The following CEP128 variants were observed in gnomAD, a reference collection of about 807,000 sequenced individuals.
The protein encoded by CEP128 is centrosomal protein 128.
A neutral mutation model predicts 156.7 loss-of-function variants in CEP128; 132 were observed. The observed-to-expected ratio is 0.84, with a 90% CI of 0.73 to 0.97. The LOEUF is 0.97. Among genes scored for constraint, CEP128 ranks in the 50% least tolerant of loss-of-function variants. CEP128 has a pLI of 0.00. For missense variants in CEP128, 1,252 were observed against 1,281.9 expected, an observed-to-expected ratio of 0.98 and a Z score of 0.36; for synonymous variants, 469 against 448.9, an observed-to-expected ratio of 1.04 and a Z score of -0.57.
intron 19 of CEP128, among the ~76,000 whole-genome samples, chr14:80,728,786 T>A (rs1399042927): frequency 6.6e-6 from 1 of 152,222 alleles, no homozygotes; most frequent in African/African-American, 2.4e-5. Context: ...CAGTAATAAC[T>A]ATGTATGCAG....
At position 80,662,553 on chromosome 14, in the gene CEP128, A is replaced by G. The variant is rs535969365; in HGVS notation, c.2806+80522T>C. On this transcript the variant is annotated intron_variant, in intron 19 of 24. Transcript: ENST00000555265. ...CCATGTATCCAGCCTTTAATTTGAC[A>G]GTGTGCAGTTAAATAGAGGATTTGC... is the stretch of plus-strand genomic sequence containing the variant. Among the ~76,000 whole-genome samples the G allele has an allele frequency of 3.3e-5, 5 of 152,266 alleles. No homozygotes were observed. The South Asian group carries it at 1.0e-3, about 32-fold the overall frequency.
intron 2 of CEP128, among the ~76,000 whole-genome samples, chr14:80,953,620 A>G (rs1886517767): frequency 6.6e-6 from 1 of 152,190 alleles, no homozygotes; most frequent in Non-Finnish European, 1.5e-5. Flanking sequence ...ATACATCATG[A>G]TCAAGTGAGA....
rs185319212 is a variant in CEP128 at position 80,877,884 on chromosome 14, G to A, written c.646-15011C>T. Reference sequence around the variant, plus strand: ...GACAAGACAATACCCACCCCCCACCGCAGGTACCTCAGGCCTCTGGCCTAC... The same window carrying A: ...GACAAGACAATACCCACCCCCCACCACAGGTACCTCAGGCCTCTGGCCTAC... On this transcript the variant is annotated intron_variant, in intron 8 of 24. Coordinates refer to ENST00000555265, the MANE Select transcript of CEP128 (RefSeq NM_152446.5). 1.9e-3 allele frequency among the ~76,000 whole-genome samples: 276 copies of A among 145,588 alleles called. 2 individuals are homozygous for A. The highest frequency in any genetic ancestry group is 6.9e-3 in the Middle Eastern group (2 of 288).
intron 4 of CEP128, 46 bp from the exon 5 acceptor site, chr14:80,906,127 A>G (rs1361145064): frequency 7.3e-7 from 1 of 1,375,684 alleles, no homozygotes; most frequent in Non-Finnish European, 9.7e-7. Flanking sequence ...TTCTTAAACA[A>G]CTTCCAAATA....
chr14:80,530,433 C>T lies in CEP128; in HGVS notation c.2958+376G>A, dbSNP rs181819076. ...AAAGATAACTTGGGAACTACCATAT[C>T]TCTAAAACAAACAGTACCCAAATAA... On this transcript the variant is annotated intron_variant, in intron 22 of 24. Coordinates refer to ENST00000555265, the MANE Select transcript of CEP128 (RefSeq NM_152446.5). Among the ~76,000 whole-genome samples the T allele has an allele frequency of 1.6e-4, 25 of 152,318 alleles. No homozygotes were observed. In the East Asian group the frequency reaches 4.6e-3, roughly 28 times the overall value.
At chr14:80,937,520 T>C (rs994468154) in intron 2 of CEP128, among the ~76,000 whole-genome samples, 1 of 151,892 alleles carries the variant, frequency 6.6e-6, no homozygotes, top group Non-Finnish European at 1.5e-5. Context: ...GGCAACAGAG[T>C]GAATGAATTT....
At chr14:80,541,917 T>C (rs1293529549) in intron 21 of CEP128, among the ~76,000 whole-genome samples, 1 of 152,232 alleles carries the variant, frequency 6.6e-6, no homozygotes, top group Non-Finnish European at 1.5e-5. Context: ...CTACTGGCTA[T>C]CTGTCTATAG....
At chr14:80,570,987 AT>A (rs1891117575) in intron 20 of CEP128, among the ~76,000 whole-genome samples, 1 of 152,198 alleles carries the variant, frequency 6.6e-6, no homozygotes, top group African/African-American at 2.4e-5. Context: ...GGGCTATTAT[AT>A]TGTTGCCATA....
chr14:80,662,732 C>A (rs1049947999), intron 19 of CEP128, among the ~76,000 whole-genome samples: 2 of 152,116 alleles, frequency 1.3e-5, no homozygotes, highest in African/African-American at 4.8e-5. Context: ...GGAAAAATAA[C>A]ACATTAGACA....
At chr14:80,600,216 A>C (rs1386946522) in intron 19 of CEP128, among the ~76,000 whole-genome samples, 1 of 152,228 alleles carries the variant, frequency 6.6e-6, no homozygotes, top group African/African-American at 2.4e-5. Context: ...ATAATTCCCA[A>C]AGGAATTATT....
chr14:80,491,274 T>TGGTCAAA (rs1312850174), intron 6 of CEP128, among the ~76,000 whole-genome samples: 1 of 152,220 alleles, frequency 6.6e-6, no homozygotes, highest in African/African-American at 2.4e-5. Flanking sequence ...GCTGTGGTCT[T>TGGTCAAA]GGTCAAAGCA....
At chr14:80,687,325 A>C (rs1390265004) in intron 19 of CEP128, among the ~76,000 whole-genome samples, 1 of 152,162 alleles carries the variant, frequency 6.6e-6, no homozygotes, top group Non-Finnish European at 1.5e-5. Flanking sequence ...CATTGAATCA[A>C]CCTAGGAGCC....
intron 19 of CEP128, among the ~76,000 whole-genome samples, chr14:80,641,101 TC>T (rs1388281875): frequency 6.6e-6 from 1 of 152,306 alleles, no homozygotes; most frequent in East Asian, 1.9e-4. Flanking sequence ...GTAGACCCTC[TC>T]CGAGGACCTT....
chr14:80,786,972 A>G (rs1308884714), intron 14 of CEP128, among the ~76,000 whole-genome samples: 2 of 152,230 alleles, frequency 1.3e-5, no homozygotes, highest in African/African-American at 4.8e-5. Flanking sequence ...ACTGAGGAGA[A>G]GGAACTCTGG....
chr14:80,880,865 AAATAATAAT>A (rs375304920), intron 8 of CEP128, among the ~76,000 whole-genome samples: 1,404 of 124,926 alleles, frequency 0.011, 24 homozygotes, highest in African/African-American at 0.033. Flanking sequence ...TCCATCTCAA[AAATAATAAT>A]AATAATAATA....
At chr14:80,840,601 G>C in intron 10 of CEP128, 81 bp downstream of exon 10, 2 of 832,942 alleles carry the variant, frequency 2.4e-6, no homozygotes, top group Non-Finnish European at 4.1e-6. Context: ...AAGGATCCTG[G>C]GGACACTTTT....
At position 80,582,452 on chromosome 14, in the gene CEP128, G is replaced by A. The variant is rs183252752; in HGVS notation, c.2807-2029C>T. On this transcript the variant is annotated intron_variant, in intron 19 of 24. Transcript: ENST00000555265. ...CAACTAGAGCAGGTCTGGATGGGAC[G>A]AGATATAGGTAGCATGAGCTAATAA... Among the ~76,000 whole-genome samples, 241 of 152,228 alleles carry A rather than the reference G, an allele frequency of 1.6e-3. 1 individual carries two copies. The highest frequency in any genetic ancestry group is 5.5e-3 in the African/African-American group (229 of 41,540).
intron 16 of CEP128, among the ~76,000 whole-genome samples, chr14:80,761,831 T>C (rs1023174536): frequency 6.6e-6 from 1 of 152,090 alleles, no homozygotes; most frequent in Non-Finnish European, 1.5e-5. Flanking sequence ...GGTGAGAAGA[T>C]ATCTGGCAAA....
chr14:80,736,766 T>C (rs773470670), intron 19 of CEP128, among the ~76,000 whole-genome samples: 3 of 152,176 alleles, frequency 2.0e-5, no homozygotes, highest in Admixed American at 6.6e-5. Context: ...TAAAGAATAA[T>C]GAATCATAAG....
Sources: gnomAD v4.1 joint callset for allele counts (sites outside exome capture counted in the v4.1 genomes callset) on GRCh38, gnomAD v4.1.1 for gene constraint, MANE v1.5 for transcripts, NCBI Gene and HGNC (gene_info 2026-07-23, HGNC 2026-07-21) for gene names.